Variants in JARID2 observed in about 807,000 individuals in gnomAD.
The protein encoded by JARID2 is jumonji and AT-rich interaction domain containing 2, also known as protein Jumonji.
A neutral mutation model predicts 125.6 loss-of-function variants in JARID2; 21 were observed. That is an observed-to-expected ratio of 0.17 (90% CI 0.12 to 0.24). The LOEUF is 0.24. Ranked by LOEUF, JARID2 falls within the 10% of genes least tolerant of loss-of-function variation. The pLI, the probability that JARID2 is intolerant of heterozygous loss-of-function variation, is 1.00. For missense variants in JARID2, 1,303 were observed against 1,639.6 expected, an observed-to-expected ratio of 0.79 and a Z score of 3.55; for synonymous variants, 736 against 661.6, an observed-to-expected ratio of 1.11 and a Z score of -1.73.
At chr6:15,367,183 G>C (rs1412525581) in intron 1 of JARID2, among the ~76,000 whole-genome samples, 1 of 152,142 alleles carries the variant, frequency 6.6e-6, no homozygotes, top group Non-Finnish European at 1.5e-5. Context: ...GCAAGTGATA[G>C]GAAATTAACT....
intron 3 of JARID2, among the ~76,000 whole-genome samples, chr6:15,424,673 C>T (rs1766645822): frequency 6.6e-6 from 1 of 152,114 alleles, no homozygotes; most frequent in Admixed American, 6.5e-5. Context: ...GTGTGACCAA[C>T]ATGGAGAACC....
At chr6:15,376,387 A>C (rs1184627817) in intron 2 of JARID2, among the ~76,000 whole-genome samples, 2 of 152,168 alleles carry the variant, frequency 1.3e-5, no homozygotes, top group East Asian at 1.9e-4. Flanking sequence ...CTGAGTAAAC[A>C]GATCTCCTTG....
chr6:15,494,588 T>G (rs1770318047), intron 6 of JARID2, among the ~76,000 whole-genome samples: 1 of 152,064 alleles, frequency 6.6e-6, no homozygotes, highest in East Asian at 1.9e-4. Flanking sequence ...TTTTGTATTT[T>G]TAGTAGAGAC....
At chr6:15,341,812 T>C (rs1437381016) in intron 1 of JARID2, among the ~76,000 whole-genome samples, 2 of 152,164 alleles carry the variant, frequency 1.3e-5, no homozygotes, top group Non-Finnish European at 2.9e-5. Flanking sequence ...ACAAATGAAA[T>C]GACATAGTTT....
Position 15,496,613 on chromosome 6 carries a change from C to A in JARID2, c.1388C>A (p.Ala463Glu). ...PQSPPKKMKG[A>E]AGPAEGPGKK... ...TCGCCCCCCAAGAAGATGAAAGGGG[C>A]GGCTGGCCCCGCCGAAGGCCCTGGC... The change falls in exon 7 of 18, where the codon GCG (alanine) becomes GAG (glutamate). Residue 463 changes from alanine (A) to glutamate (E), a missense_variant. Ala to Glu is a moderately radical substitution (Grantham distance 107). This residue lies in a region of JARID2 where 651 missense variants were observed against 581.6 expected (regional missense o/e 1.12). Transcript: ENST00000341776. The A allele has an allele frequency of 6.2e-7, 1 of 1,605,406 alleles. No homozygotes were observed. The highest frequency in any genetic ancestry group is 8.5e-7 in the Non-Finnish European group (1 of 1,177,178).
At chr6:15,249,520 T>C (rs1427630480) in intron 1 of JARID2, among the ~76,000 whole-genome samples, 1 of 151,698 alleles carries the variant, frequency 6.6e-6, no homozygotes, top group Non-Finnish European at 1.5e-5. Flanking sequence ...TGTTTTCTCT[T>C]TTGTAAAATG....
intron 5 of JARID2, among the ~76,000 whole-genome samples, chr6:15,476,452 G>T (rs549133531): frequency 2.6e-5 from 4 of 152,324 alleles, no homozygotes; most frequent in African/African-American, 9.6e-5. Context: ...CTTCCTCCGA[G>T]CAGGAGTCCT....
chr6:15,294,414 G>C (rs12205420), intron 1 of JARID2, among the ~76,000 whole-genome samples: 1 of 152,246 alleles, frequency 6.6e-6, no homozygotes, highest in East Asian at 1.9e-4. Context: ...GGATGGTCTC[G>C]ATCTCCTGGC....
At chr6:15,444,890 G>A (rs1177891783) in intron 3 of JARID2, among the ~76,000 whole-genome samples, 1 of 151,288 alleles carries the variant, frequency 6.6e-6, no homozygotes, top group Non-Finnish European at 1.5e-5. Flanking sequence ...GTTTTGGCAT[G>A]TACTTCCCTC....
chr6:15,383,761 G>C (rs1434884997), intron 2 of JARID2, among the ~76,000 whole-genome samples: 2 of 151,986 alleles, frequency 1.3e-5, no homozygotes, highest in Admixed American at 1.3e-4. Context: ...AACATCTCCT[G>C]AACACCACCT....
chr6:15,401,104 T>C (rs1765414476), intron 2 of JARID2: 1 of 1,288,100 alleles, frequency 7.8e-7, no homozygotes, highest in African/African-American at 1.5e-5. Flanking sequence ...TAGGCCTTTG[T>C]GGGTTTCCCT....
chr6:15,444,690 G>T (rs556613265), intron 3 of JARID2, among the ~76,000 whole-genome samples: 12 of 150,660 alleles, frequency 8.0e-5, no homozygotes, highest in African/African-American at 2.9e-4. Context: ...CACAAAGAGC[G>T]CAGCCATGCC....
chr6:15,504,572 C>G lies in JARID2; in HGVS notation c.2521C>G (p.Pro841Ala), dbSNP rs1770902478. 1.9e-6 allele frequency: 3 copies of G among 1,613,578 alleles called. No individual in the cohort carries two copies. In the South Asian group the frequency reaches 3.3e-5, roughly 18 times the overall value. ...CATGAGCATGTGTTTCAGCAAGGAG[C>G]CTGCCCCAGCCGAAATCGAGGTGAG... ...NIMSMCFSKE[P>A]APAEIEQEYW... Residue 841 changes from proline to alanine, a missense_variant, in exon 9 of 18, where the codon CCT (proline) becomes GCT (alanine). Coordinates refer to ENST00000341776, the MANE Select transcript of JARID2 (RefSeq NM_004973.4).
At chr6:15,333,620 G>A (rs1159641853) in intron 1 of JARID2, among the ~76,000 whole-genome samples, 2 of 151,974 alleles carry the variant, frequency 1.3e-5, no homozygotes, top group Non-Finnish European at 2.9e-5. Context: ...TGTACAATTC[G>A]GTGGCACTGA....
intron 1 of JARID2, among the ~76,000 whole-genome samples, chr6:15,285,014 A>G (rs1377082035): frequency 6.6e-6 from 1 of 151,506 alleles, no homozygotes; most frequent in Non-Finnish European, 1.5e-5. Flanking sequence ...TTTAGCATTC[A>G]TGAAATTTCT....
chr6:15,416,354 T>G (rs1202148272), intron 3 of JARID2, among the ~76,000 whole-genome samples: 1 of 152,086 alleles, frequency 6.6e-6, no homozygotes, highest in African/African-American at 2.4e-5. Context: ...AGGTGGAGTT[T>G]GTAGCGAGCC....
In JARID2 at chr6:15,481,103, CA is replaced by C. The variant is rs2127705357; in HGVS notation, c.671-6201del. On this transcript the variant is annotated intron_variant, in intron 5 of 17. Transcript: ENST00000341776. ...TATCTTTTTCATCCCTCATTGGGAG[CA>C]AATCTTACCTTCTCAGGGATGAGGT... 2.0e-5 allele frequency among the ~76,000 whole-genome samples: 3 copies of C among 152,316 alleles called. No homozygotes were observed. In the South Asian group the frequency reaches 6.2e-4, roughly 32 times the overall value.
chr6:15,456,869 G>T (rs1279566611), intron 4 of JARID2, among the ~76,000 whole-genome samples: 2 of 122,214 alleles, frequency 1.6e-5, no homozygotes, highest in Non-Finnish European at 3.3e-5. Context: ...AGAAAAACAG[G>T]ATGTTAAGCT....
chr6:15,487,930 A>G (rs1769961880), intron 6 of JARID2, among the ~76,000 whole-genome samples: 1 of 151,024 alleles, frequency 6.6e-6, no homozygotes, highest in Non-Finnish European at 1.5e-5. Flanking sequence ...ATCCTGGTCT[A>G]CTTTTCTGTT....
Sources: gnomAD v4.1 joint callset for allele counts (sites outside exome capture counted in the v4.1 genomes callset) on GRCh38, gnomAD v4.1.1 for gene constraint, gnomAD v4.1.1 regional missense constraint, MANE v1.5 for transcripts, NCBI Gene and HGNC (gene_info 2026-07-23, HGNC 2026-07-21) for gene names.